Variants in AGAP1 observed in about 807,000 individuals in gnomAD.
The protein encoded by AGAP1 is arf-GAP with GTPase, ANK repeat and PH domain-containing protein 1.
A neutral mutation model predicts 105.3 loss-of-function variants in AGAP1; 29 were observed. That is an observed-to-expected ratio of 0.28 (90% CI 0.21 to 0.38). The LOEUF (loss-of-function observed/expected upper bound fraction) is 0.38, where lower values mean the gene tolerates loss of function less well. AGAP1 is among the 10% of genes least tolerant of loss of function. AGAP1 has a pLI of 1.00. For missense variants in AGAP1, 998 were observed against 1,165.1 expected (o/e 0.86, Z 2.09); for synonymous variants, 509 against 485.9 (o/e 1.05, Z -0.63).
chr2:235,561,837 A>G (rs1944162735), intron 1 of AGAP1, among the ~76,000 whole-genome samples: 1 of 152,218 alleles, frequency 6.6e-6, no homozygotes, highest in Admixed American at 6.5e-5. Flanking sequence ...GAGGAGAGCC[A>G]TGACTTCCAG....
intron 16 of AGAP1, among the ~76,000 whole-genome samples, chr2:236,108,671 T>C (rs893673275): frequency 6.6e-6 from 1 of 152,194 alleles, no homozygotes; most frequent in Non-Finnish European, 1.5e-5. Context: ...GGAGTGCACT[T>C]TCGGGAAGGG....
At chr2:235,984,422 C>T (rs186023868) in intron 13 of AGAP1, among the ~76,000 whole-genome samples, 1 of 150,082 alleles carries the variant, frequency 6.7e-6, no homozygotes, top group African/African-American at 2.5e-5. Flanking sequence ...AGTGGAATTG[C>T]TGGGTCATAT....
At chr2:236,004,419 T>G (rs1191659124) in intron 13 of AGAP1, among the ~76,000 whole-genome samples, 1 of 152,226 alleles carries the variant, frequency 6.6e-6, no homozygotes, top group African/African-American at 2.4e-5. Context: ...TTCTGATCAT[T>G]AAAAGCTAAT....
chr2:236,085,072 C>T (rs1478816680), intron 16 of AGAP1, among the ~76,000 whole-genome samples: 5 of 151,464 alleles, frequency 3.3e-5, no homozygotes, highest in Admixed American at 1.3e-4. Context: ...AAAAATTAGC[C>T]GGGTGTGGTG....
chr2:235,570,534 GTCTT>G (rs988745896), intron 1 of AGAP1, among the ~76,000 whole-genome samples: 9 of 152,340 alleles, frequency 5.9e-5, no homozygotes, highest in African/African-American at 1.7e-4. Flanking sequence ...TCCCGTTCCT[GTCTT>G]TCTTTGCAGA....
chr2:235,544,449 C>T (rs1442794492), intron 1 of AGAP1, among the ~76,000 whole-genome samples: 1 of 152,218 alleles, frequency 6.6e-6, no homozygotes, highest in Non-Finnish European at 1.5e-5. Context: ...CCTCAGCGGT[C>T]CCCTTAGGCT....
Position 235,919,845 on chromosome 2 carries a change from C to CAA in AGAP1, c.1325-10920_1325-10919insAA, listed in dbSNP as rs1559647389. On this transcript the variant is annotated intron_variant, in intron 11 of 17. Coordinates refer to ENST00000304032, the MANE Select transcript of AGAP1 (RefSeq NM_001037131.3). This position sits in a 1 kb window ranked among gnomAD's most constrained non-coding sequence, Gnocchi z 4.1. Reference sequence around the variant, plus strand: ...CTTCTCCGTCTTCACAATGCTTACACCCCTCATCCTCGCTGTTGCATCAGC... The same window carrying CAA: ...CTTCTCCGTCTTCACAATGCTTACACAACCCTCATCCTCGCTGTTGCATCAGC... Among the ~76,000 whole-genome samples the CAA allele has an allele frequency of 6.6e-6, 1 of 152,178 alleles. No homozygotes were observed. The highest frequency in any genetic ancestry group is 1.5e-5 in the Non-Finnish European group (1 of 68,038).
chr2:235,831,905 C>G (rs1959458015), intron 9 of AGAP1, among the ~76,000 whole-genome samples: 1 of 152,214 alleles, frequency 6.6e-6, no homozygotes, highest in African/African-American at 2.4e-5. Flanking sequence ...TCCAGAGTAG[C>G]TGTACCACTT....
chr2:235,688,003 G>A (rs898976168), intron 1 of AGAP1, among the ~76,000 whole-genome samples: 8 of 142,792 alleles, frequency 5.6e-5, no homozygotes, highest in African/African-American at 1.3e-4. Flanking sequence ...CTGGGTTCAC[G>A]CCATTCTCCC....
rs1434511911 is a variant in AGAP1, at chr2:236,058,795, A to G, written c.2114+9514A>G. On this transcript the variant is annotated intron_variant, in intron 16 of 17. Coordinates refer to ENST00000304032, the MANE Select transcript of AGAP1 (RefSeq NM_001037131.3). This position sits in a 1 kb window ranked among gnomAD's most constrained non-coding sequence, Gnocchi z 4.6. The stretch of plus-strand genomic sequence containing the variant: ...AAAACTACCTCCATTTCCAGATGAC[A>G]TAATCTTTTATGTGGAAAATCCTAA... 2.6e-5 allele frequency among the ~76,000 whole-genome samples: 4 copies of G among 152,366 alleles called. No individual in the cohort carries two copies. In the East Asian group the frequency reaches 5.8e-4, roughly 22 times the overall value.
intron 9 of AGAP1, among the ~76,000 whole-genome samples, chr2:235,841,410 C>A (rs950481404): frequency 1.3e-5 from 2 of 152,152 alleles, no homozygotes; most frequent in Non-Finnish European, 2.9e-5. Flanking sequence ...GAGTGGATCC[C>A]TTGACCCCAG....
intron 13 of AGAP1, among the ~76,000 whole-genome samples, chr2:236,004,842 A>G (rs934900806): frequency 6.6e-6 from 1 of 152,238 alleles, no homozygotes; most frequent in Non-Finnish European, 1.5e-5. Flanking sequence ...AGGAGAAGAA[A>G]TGATATATTG....
At chr2:235,932,160 G>T (rs547731907) in intron 12 of AGAP1, among the ~76,000 whole-genome samples, 51 of 152,214 alleles carry the variant, frequency 3.4e-4, no homozygotes, top group Non-Finnish European at 6.0e-4. Context: ...GCATGCCCCA[G>T]CGGGCCTGGT....
At chr2:235,897,844 C>T (rs1282812515) in intron 10 of AGAP1, among the ~76,000 whole-genome samples, 13 of 152,030 alleles carry the variant, frequency 8.6e-5, no homozygotes, top group South Asian at 2.1e-4. Flanking sequence ...AACCTGATTG[C>T]GGGCTTGTTG....
rs1389520484 is a variant in AGAP1, at chr2:235,552,835, C to T, written c.163+57986C>T. Among the ~76,000 whole-genome samples the T allele has an allele frequency of 6.6e-6, 1 of 152,206 alleles. No individual in the cohort carries two copies. The highest frequency in any genetic ancestry group is 2.4e-5 in the African/African-American group (1 of 41,454). On this transcript the variant is annotated intron_variant, in intron 1 of 17. Coordinates refer to ENST00000304032, the MANE Select transcript of AGAP1 (RefSeq NM_001037131.3). This position sits in a 1 kb window ranked among gnomAD's most constrained non-coding sequence, Gnocchi z 5.9. Reference sequence around the variant, plus strand: ...AGAGTGTGATGGGCCCCATCTCTCTCTGCTGAGCCGGGTTCTGACTCTGCA... The same window carrying T: ...AGAGTGTGATGGGCCCCATCTCTCTTTGCTGAGCCGGGTTCTGACTCTGCA...
At chr2:235,815,120 A>G (rs537547728) in intron 9 of AGAP1, among the ~76,000 whole-genome samples, 20 of 152,234 alleles carry the variant, frequency 1.3e-4, no homozygotes, top group African/African-American at 3.6e-4. Flanking sequence ...CCCCTTTCCC[A>G]TATGAGAACA....
At position 236,044,780 on chromosome 2, in the gene AGAP1, C is replaced by A. The variant is rs2057665857; in HGVS notation, c.1891+3939C>A. Among the ~76,000 whole-genome samples, 2 of 152,100 alleles carry A rather than the reference C, an allele frequency of 1.3e-5. No homozygotes were observed. Among genetic ancestry groups the A allele is most frequent in the South Asian group, 4.1e-4 (2 of 4,828 alleles). Reference sequence around the variant, plus strand: ...CCAGGTTTGAAATCACACACACACACACACACACATCCCTACTCCCTGCTG... The same window carrying A: ...CCAGGTTTGAAATCACACACACACAAACACACACATCCCTACTCCCTGCTG... On this transcript the variant is annotated intron_variant, in intron 15 of 17. Transcript: ENST00000304032. The surrounding 1 kb of genome is among the most constrained non-coding windows in gnomAD (Gnocchi z 5.7).
chr2:236,114,292 C>A lies in AGAP1; in HGVS notation c.2115-5900C>A, dbSNP rs557781224. ...AGTAGAATTGCGGCCTCCGAGTGAC[C>A]ATTTGAGTCTGTGTGCTTTGACATC... is the stretch of plus-strand genomic sequence containing the variant. On this transcript the variant is annotated intron_variant, in intron 16 of 17. Coordinates refer to ENST00000304032, the MANE Select transcript of AGAP1 (RefSeq NM_001037131.3). This position sits in a 1 kb window ranked among gnomAD's most constrained non-coding sequence, Gnocchi z 5.0. 3.3e-4 allele frequency among the ~76,000 whole-genome samples: 51 copies of A among 152,250 alleles called. No individual in the cohort carries two copies. The Middle Eastern group carries it at 0.051, about 152-fold the overall frequency.
chr2:235,756,851 A>T (rs1953969354), intron 6 of AGAP1, among the ~76,000 whole-genome samples: 1 of 152,040 alleles, frequency 6.6e-6, no homozygotes, highest in Non-Finnish European at 1.5e-5. Flanking sequence ...TTCATCCCAA[A>T]ACCATCCCCA....
Sources: allele counts gnomAD v4.1 joint callset (sites outside exome capture counted in the v4.1 genomes callset), GRCh38; gene constraint gnomAD v4.1.1; non-coding constraint Gnocchi (gnomAD v3.1); transcripts MANE v1.5; gene names NCBI Gene and HGNC (gene_info 2026-07-23, HGNC 2026-07-21).